MYH16: variants seen among roughly 807,000 people sequenced by gnomAD.
MYH16 encodes the protein myosin heavy chain 16.
At chr7:99,263,521 T>G (rs1791958941) in intron 14 of MYH16, 1 of 152,332 alleles carries the variant, frequency 6.6e-6, no homozygotes, top group African/African-American at 2.4e-5. Flanking sequence ...GTGGCCAAAA[T>G]GGAAAGAAGA....
chr7:99,243,168 C>T (rs540456696), intron 1 of MYH16: 66 of 152,746 alleles, frequency 4.3e-4, no homozygotes, highest in African/African-American at 1.6e-3. Context: ...CTTGGGTCCA[C>T]TGGATGCTCC....
chr7:99,250,750 TG>T (rs1791800244), intron 5 of MYH16, among the ~76,000 whole-genome samples: 3 of 143,672 alleles, frequency 2.1e-5, no homozygotes, highest in East Asian at 2.1e-4. Flanking sequence ...AAAAAAGGGG[TG>T]GGGGGATGTG....
At position 99,250,267 on chromosome 7, in the gene MYH16, C is replaced by T. The variant is rs184973978; in HGVS notation, n.636+192C>T. Among the ~76,000 whole-genome samples the T allele has an allele frequency of 3.0e-3, 451 of 152,278 alleles. 1 individual carries two copies. The highest frequency in any genetic ancestry group is 5.1e-3 in the African/African-American group (213 of 41,564). On this transcript the variant is annotated intron_variant and non_coding_transcript_variant, in intron 5 of 41. Transcript: ENST00000439784. ...TGGCTATAGATCAAGGTCTCCTCCCCGAGGACTTGTTCTGCTGCCCCAGGC... is the reference window on the plus strand; with the variant it reads ...TGGCTATAGATCAAGGTCTCCTCCCTGAGGACTTGTTCTGCTGCCCCAGGC...
At chr7:99,293,045 A>G (rs899935031) in intron 32 of MYH16, among the ~76,000 whole-genome samples, 2 of 152,010 alleles carry the variant, frequency 1.3e-5, no homozygotes, top group African/African-American at 4.8e-5. Context: ...CTCTGGTGTA[A>G]AAGGAGGCTG....
At chr7:99,264,932 G>T (rs1791972420) in intron 15 of MYH16, among the ~76,000 whole-genome samples, 2 of 152,222 alleles carry the variant, frequency 1.3e-5, no homozygotes, top group South Asian at 4.1e-4. Flanking sequence ...TTTCTGCAAT[G>T]ATGAAACGTT....
At position 99,279,110 on chromosome 7, in the gene MYH16, A is replaced by C. The variant is rs552146996; in HGVS notation, n.2660-400A>C. Among the ~76,000 whole-genome samples the C allele has an allele frequency of 2.6e-5, 4 of 152,194 alleles. No homozygotes were observed. The South Asian group carries it at 8.3e-4, about 32-fold the overall frequency. On this transcript the variant is annotated intron_variant and non_coding_transcript_variant, in intron 21 of 41. Coordinates refer to ENST00000439784, the Ensembl canonical transcript of MYH16. ...GGAGGCTGAAGTGGGAGGATTGCTT[A>C]AGCCTAGAAGGTCGAGGCTGCAGTG...
intron 1 of MYH16, among the ~76,000 whole-genome samples, chr7:99,242,476 A>C (rs1161905664): frequency 2.0e-5 from 3 of 152,002 alleles, no homozygotes; most frequent in Non-Finnish European, 4.4e-5. Context: ...TCTCTAGAAA[A>C]AAAAATTAAA....
chr7:99,278,738 T>C (rs1397485297), intron 21 of MYH16, among the ~76,000 whole-genome samples: 1 of 152,220 alleles, frequency 6.6e-6, no homozygotes, highest in Non-Finnish European at 1.5e-5. Flanking sequence ...GCCATCTCTG[T>C]AGCCGTGAGC....
intron 2 of MYH16, among the ~76,000 whole-genome samples, chr7:99,246,246 G>C: frequency 6.7e-6 from 1 of 149,654 alleles, no homozygotes; most frequent in Non-Finnish European, 1.5e-5. Flanking sequence ...AAAAGAGAAA[G>C]AAAGAAAAAA....
intron 11 of MYH16, among the ~76,000 whole-genome samples, chr7:99,259,641 A>T (rs1394437083): frequency 6.6e-6 from 1 of 151,516 alleles, no homozygotes; most frequent in Non-Finnish European, 1.5e-5. Flanking sequence ...TATTTTTAGT[A>T]GAGATGGGGT....
At chr7:99,267,845 A>T (rs567470611) in intron 18 of MYH16, among the ~76,000 whole-genome samples, 57 of 152,244 alleles carry the variant, frequency 3.7e-4, no homozygotes, top group Middle Eastern at 3.4e-3. Context: ...CCCCAACATG[A>T]TCGCCCCGTG....
At chr7:99,284,907 C>T (rs1310974838) in exon 26 of MYH16, 8 of 456,598 alleles carry the variant, frequency 1.8e-5, no homozygotes, top group East Asian at 1.4e-4. Context: ...CTGAATTCCA[C>T]GCTGCAGCGG....
chr7:99,267,815 G>GC (rs1346684357), intron 18 of MYH16, among the ~76,000 whole-genome samples: 4 of 152,090 alleles, frequency 2.6e-5, no homozygotes, highest in Admixed American at 2.0e-4. Context: ...TAGCCGCCCT[G>GC]CCCCCCACAA....
chr7:99,288,094 T>C (rs896693576), exon 29 of MYH16: 3 of 456,660 alleles, frequency 6.6e-6, no homozygotes, highest in East Asian at 6.9e-5. Context: ...AAGGCTGAGA[T>C]TGATGACCTC....
rs1419029640 is a variant in MYH16 at position 99,292,547 on chromosome 7, G to C, written n.4149+39G>C. On this transcript the variant is annotated intron_variant and non_coding_transcript_variant, in intron 32 of 41. Coordinates refer to ENST00000439784, the Ensembl canonical transcript of MYH16. The stretch of plus-strand genomic sequence containing the variant: ...TCCTGTTGAGAGAGCCAGGTGGGCT[G>C]GGCAGGTGGTGCTGGGGGCCTCACC... 6.7e-6 allele frequency: 3 copies of C among 451,000 alleles called. No individual in the cohort carries two copies. The East Asian group carries it at 2.1e-4, about 31-fold the overall frequency. 27.9% of individuals were successfully genotyped at this position (451,000 alleles called of 1,614,324 possible). A position where few individuals can be genotyped will look rare whatever the true frequency, so the allele number is the denominator to read the frequency against.
At chr7:99,243,055 G>A (rs1203146068) in intron 1 of MYH16, among the ~76,000 whole-genome samples, 1 of 152,236 alleles carries the variant, frequency 6.6e-6, no homozygotes, top group African/African-American at 2.4e-5. Context: ...TGCCAAGGAG[G>A]CTACTGTCAT....
At chr7:99,244,420 C>G (rs766674041) in intron 2 of MYH16, among the ~76,000 whole-genome samples, 81 of 152,314 alleles carry the variant, frequency 5.3e-4, no homozygotes, top group Non-Finnish European at 2.1e-4. Flanking sequence ...CAGCTTAACT[C>G]CCAAAATGGG....
At chr7:99,310,682 C>G (rs1255291769), downstream of MYH16, 5 of 152,258 alleles carry the variant, frequency 3.3e-5, no homozygotes, top group African/African-American at 1.2e-4. Context: ...GCTCCCAGCT[C>G]TGACCCACAT....
intron 21 of MYH16, among the ~76,000 whole-genome samples, 152 bp from the exon 4 acceptor site, chr7:99,279,358 C>CAA (rs35683727): frequency 0.016 from 740 of 45,702 alleles, 13 homozygotes; most frequent in African/African-American, 0.054. Context: ...AACCCTGACT[C>CAA]AAAAAAAAAA....
Sources: allele counts gnomAD v4.1 joint callset (sites outside exome capture counted in the v4.1 genomes callset), GRCh38; gene constraint gnomAD v4.1.1; transcripts MANE v1.5; gene names NCBI Gene and HGNC (gene_info 2026-07-23, HGNC 2026-07-21).